TMEM132E: variants seen among roughly 807,000 people sequenced by gnomAD.
TMEM132E encodes the protein transmembrane protein 132E.
A neutral mutation model predicts 78.5 loss-of-function variants in TMEM132E; 49 were observed. The ratio of observed to expected loss-of-function variants is 0.62; its 90% CI spans 0.50 to 0.79. The LOEUF is 0.79. Ranked by LOEUF, TMEM132E falls within the 30% of genes least tolerant of loss-of-function variation. TMEM132E has a pLI of 0.00. For missense variants in TMEM132E, 1,403 were observed against 1,470.9 expected, an observed-to-expected ratio of 0.95 and a Z score of 0.75; for synonymous variants, 715 against 670.6, an observed-to-expected ratio of 1.07 and a Z score of -1.02.
intron 1 of TMEM132E, among the ~76,000 whole-genome samples, chr17:34,607,965 G>T (rs1405494979): frequency 6.6e-6 from 1 of 152,120 alleles, no homozygotes; most frequent in African/African-American, 2.4e-5. Flanking sequence ...TTCAATAAAG[G>T]TTCCATTATG....
chr17:34,627,467 C>CGTGTGCGCGCGCGCGCGT (rs146318983), intron 2 of TMEM132E, among the ~76,000 whole-genome samples: 2 of 126,470 alleles, frequency 1.6e-5, no homozygotes, highest in African/African-American at 6.0e-5. Flanking sequence ...CCAAAAGAAT[C>CGTGTGCGCGCGCGCGCGT]GTGTGTGTGT....
chr17:34,627,014 T>A lies in TMEM132E; in HGVS notation c.955T>A (p.Ser319Thr), dbSNP rs1367608702. Residue 319 changes from serine to threonine, a missense_variant, in exon 2 of 9, where the codon TCC (serine) becomes ACC (threonine). By Grantham distance (58) the Ser-to-Thr change is moderately conservative (BLOSUM62 1). Transcript: ENST00000631683. ...LSILLYLAPN[S>T]SSPSSPSVEH... ...CATCCTCCTCTATCTGGCCCCCAAC[T>A]CCTCCTCGCCCTCCAGCCCCAGCGT... is the stretch of plus-strand genomic sequence containing the variant. The A allele has an allele frequency of 6.2e-7, 1 of 1,613,342 alleles. No homozygotes were observed. The highest frequency in any genetic ancestry group is 1.3e-5 in the African/African-American group (1 of 74,886).
At chr17:34,621,758 G>A (rs924625142) in intron 1 of TMEM132E, among the ~76,000 whole-genome samples, 1 of 152,106 alleles carries the variant, frequency 6.6e-6, no homozygotes, top group African/African-American at 2.4e-5. Context: ...TCAGAACCAG[G>A]CCCACGGAAT....
rs189545644 is a variant in TMEM132E, at chr17:34,590,210, T to C, written c.67+9067T>C. The stretch of plus-strand genomic sequence containing the variant: ...GTTATTTCAATGGTCACTTATGAAA[T>C]GAGCACCTGCTATGAGCCACATCCT... On this transcript the variant is annotated intron_variant, in intron 1 of 8. Coordinates refer to ENST00000631683, the MANE Select transcript of TMEM132E (RefSeq NM_001304438.2). Among the ~76,000 whole-genome samples, 52 of 152,354 alleles carry C rather than the reference T, an allele frequency of 3.4e-4. No individual in the cohort carries two copies. The East Asian group carries it at 5.8e-3, about 17-fold the overall frequency.
At chr17:34,597,372 C>T (rs1368718156) in intron 1 of TMEM132E, among the ~76,000 whole-genome samples, 4 of 152,100 alleles carry the variant, frequency 2.6e-5, no homozygotes, top group African/African-American at 9.7e-5. Context: ...TTTATAGAGC[C>T]TCATTTATTT....
chr17:34,603,152 G>T (rs180914493), intron 1 of TMEM132E, among the ~76,000 whole-genome samples: 2 of 152,236 alleles, frequency 1.3e-5, no homozygotes, highest in African/African-American at 4.8e-5. Flanking sequence ...GATGGGCAGG[G>T]GTCAGGTTGC....
Position 34,637,060 on chromosome 17 carries a change from G to C in TMEM132E, c.2170-117G>C. The C allele has an allele frequency of 1.1e-5, 10 of 871,656 alleles. 1 individual carries two copies. In the South Asian group the frequency reaches 1.6e-4, roughly 14 times the overall value. The allele number at this position is 871,656 out of a possible 1,614,324, so 54.0% of individuals were successfully genotyped here. ...GTCACAGGCACAGTTCCAGTGCTGA[G>C]AATACAGCAGGGAGCCAGAGACCCG... On this transcript the variant is annotated intron_variant, in intron 8 of 8. Transcript: ENST00000631683.
At chr17:34,613,220 C>T (rs1002195736) in intron 1 of TMEM132E, among the ~76,000 whole-genome samples, 29 of 151,512 alleles carry the variant, frequency 1.9e-4, no homozygotes, top group African/African-American at 2.9e-4. Flanking sequence ...CACGCGCGCG[C>T]GCGCGCGTTC....
chr17:34,607,533 A>G (rs1161130267), intron 1 of TMEM132E, among the ~76,000 whole-genome samples: 1 of 152,214 alleles, frequency 6.6e-6, no homozygotes, highest in East Asian at 1.9e-4. Context: ...ATGGGTGTCC[A>G]CAATTCAATT....
At chr17:34,633,071 G>A (rs1475732504) in intron 6 of TMEM132E, among the ~76,000 whole-genome samples, 162 bp downstream of exon 6, 1 of 152,244 alleles carries the variant, frequency 6.6e-6, no homozygotes, top group Non-Finnish European at 1.5e-5. Flanking sequence ...TGTGTGCTAG[G>A]CACTGGCAAG....
chr17:34,636,695 T>C (rs949907334), intron 8 of TMEM132E, among the ~76,000 whole-genome samples: 1 of 152,124 alleles, frequency 6.6e-6, no homozygotes, highest in Non-Finnish European at 1.5e-5. Context: ...ATCACTTCTC[T>C]CTGAACCCTG....
intron 1 of TMEM132E, among the ~76,000 whole-genome samples, chr17:34,586,504 G>A (rs567869199): frequency 6.6e-6 from 1 of 151,946 alleles, no homozygotes; most frequent in African/African-American, 2.4e-5. Context: ...CCAGAGAAAG[G>A]GGGGACTGAG....
At chr17:34,635,927 G>C in intron 7 of TMEM132E, 80 bp from the exon 8 acceptor site, 2 of 1,294,454 alleles carry the variant, frequency 1.5e-6, no homozygotes, top group Non-Finnish European at 1.0e-6. Flanking sequence ...GCAGTGCTGG[G>C]ATTTCTCCCT....
intron 1 of TMEM132E, among the ~76,000 whole-genome samples, chr17:34,609,170 G>T (rs548031672): frequency 6.6e-6 from 1 of 152,202 alleles, no homozygotes; most frequent in Non-Finnish European, 1.5e-5. Flanking sequence ...AGTCTGGGGG[G>T]TGTCTGAAGA....
At chr17:34,633,105 G>A (rs1005444418) in intron 6 of TMEM132E, among the ~76,000 whole-genome samples, 196 bp downstream of exon 6, 4 of 152,258 alleles carry the variant, frequency 2.6e-5, no homozygotes, top group Non-Finnish European at 5.9e-5. Context: ...GGGTGAATGT[G>A]GCCAGTGCCT....
chr17:34,626,322 C>G lies in TMEM132E; in HGVS notation c.263C>G (p.Pro88Arg). 1.2e-6 allele frequency: 2 copies of G among 1,612,404 alleles called. No homozygotes were observed. Among genetic ancestry groups the G allele is most frequent in the Non-Finnish European group, 8.5e-7 (1 of 1,179,406 alleles). The change falls in exon 2 of 9, where the codon CCG becomes CGG. Residue 88 changes from proline to arginine, a missense_variant. Pro to Arg is a moderately radical substitution (Grantham distance 103). Around this residue, in one of 3 missense-constraint regions of TMEM132E, gnomAD observed 511 missense variants for 499.0 expected, o/e 1.02. Coordinates refer to ENST00000631683, the MANE Select transcript of TMEM132E (RefSeq NM_001304438.2). ...GTGGTGTTCCAGACCAAGGAGCTGC[C>G]GGTCCTCAACGTCTCTCTGGGGCCC... is the stretch of plus-strand genomic sequence containing the variant. ...PFVVFQTKEL[P>R]VLNVSLGPFS...
At chr17:34,593,833 A>G (rs982566356) in intron 1 of TMEM132E, among the ~76,000 whole-genome samples, 2 of 152,236 alleles carry the variant, frequency 1.3e-5, no homozygotes, top group Admixed American at 6.5e-5. Flanking sequence ...ACAGTAGCTC[A>G]TACCACCAGC....
intron 3 of TMEM132E, 102 bp from the exon 4 acceptor site, chr17:34,628,910 C>G: frequency 7.0e-7 from 1 of 1,425,440 alleles, no homozygotes; most frequent in South Asian, 1.4e-5. Context: ...CCCCATCAGG[C>G]AGCTGCCGGG....
chr17:34,582,946 C>T (rs764743257), intron 1 of TMEM132E, among the ~76,000 whole-genome samples: 2 of 152,236 alleles, frequency 1.3e-5, no homozygotes, highest in African/African-American at 2.4e-5. Context: ...CCCACCTTCC[C>T]GATCCCTGAG....
Sources: allele counts gnomAD v4.1 joint callset (sites outside exome capture counted in the v4.1 genomes callset), GRCh38; gene constraint gnomAD v4.1.1; regional missense constraint gnomAD v4.1.1; transcripts MANE v1.5; gene names NCBI Gene and HGNC (gene_info 2026-07-23, HGNC 2026-07-21).